RBMS3: variants seen among roughly 807,000 people sequenced by gnomAD.
RBMS3 encodes RNA binding motif single stranded interacting protein 3.
A neutral mutation model predicts 66.8 loss-of-function variants in RBMS3; 27 were observed. The observed-to-expected ratio is 0.40, with a 90% CI of 0.30 to 0.56. The LOEUF (loss-of-function observed/expected upper bound fraction) is 0.56, where lower values mean the gene tolerates loss of function less well. RBMS3 is among the 20% of genes least tolerant of loss of function. The probability of loss-of-function intolerance (pLI) is 0.40; values close to 1 mark genes in which losing one functional copy is unlikely to be tolerated. For synonymous variants in RBMS3, 188 were observed against 183.0 expected, an observed-to-expected ratio of 1.03 and a Z score of -0.22; for missense variants, 513 against 549.5, an observed-to-expected ratio of 0.93 and a Z score of 0.66.
chr3:29,881,123 C>A (rs2059727388), intron 7 of RBMS3, among the ~76,000 whole-genome samples: 1 of 152,078 alleles, frequency 6.6e-6, no homozygotes. Flanking sequence ...GCTCACTCAC[C>A]TTTCCATTTT....
chr3:29,694,501 G>A (rs888354474), intron 4 of RBMS3, among the ~76,000 whole-genome samples: 125 of 152,288 alleles, frequency 8.2e-4, no homozygotes, highest in African/African-American at 2.8e-3. Flanking sequence ...TGTAGAACTA[G>A]TTAGCAAGAG....
intron 4 of RBMS3, 67 bp from the exon 5 acceptor site, chr3:29,739,652 GT>G: frequency 7.3e-7 from 1 of 1,363,462 alleles, no homozygotes; most frequent in Non-Finnish European, 9.8e-7. Flanking sequence ...TTAAACAAAA[GT>G]TTCTCTATTT....
intron 1 of RBMS3, among the ~76,000 whole-genome samples, chr3:29,330,769 C>A (rs1016707371): frequency 1.3e-5 from 2 of 152,190 alleles, no homozygotes; most frequent in Admixed American, 1.3e-4. Context: ...AAGCACACAG[C>A]ACCAAATGAT....
At chr3:29,895,247 T>C (rs924061790) in intron 8 of RBMS3, among the ~76,000 whole-genome samples, 22 of 151,706 alleles carry the variant, frequency 1.5e-4, no homozygotes, top group African/African-American at 5.3e-4. Flanking sequence ...TTTTCTTACA[T>C]AGTAATTATC....
chr3:29,922,276 A>G (rs933895821), intron 10 of RBMS3, among the ~76,000 whole-genome samples: 33 of 151,870 alleles, frequency 2.2e-4, no homozygotes, highest in African/African-American at 7.5e-4. Flanking sequence ...TCATGAGGTC[A>G]GGAGATCGAG....
chr3:29,341,321 C>T (rs932195735), intron 1 of RBMS3, among the ~76,000 whole-genome samples: 6 of 151,940 alleles, frequency 3.9e-5, no homozygotes, highest in African/African-American at 1.5e-4. Context: ...TTGGCTTTAT[C>T]ACTACTTTGT....
intron 1 of RBMS3, among the ~76,000 whole-genome samples, chr3:29,378,450 T>C (rs1441969305): frequency 1.3e-5 from 2 of 148,922 alleles, no homozygotes; most frequent in African/African-American, 5.0e-5. Flanking sequence ...GCAGCCTGAG[T>C]GACAGAGTGA....
rs955358132 is a variant in RBMS3, at chr3:30,009,060, A to T, written c.*5198A>T. On this transcript the variant is annotated 3_prime_UTR_variant, in exon 15 of 15. Coordinates refer to ENST00000383767, the MANE Select transcript of RBMS3 (RefSeq NM_001003793.3). ...TGAGGGAAAATAATATATCAAGAAA[A>T]TTTTCTTCCACTTAGAAAGCTTTAA... is the stretch of plus-strand genomic sequence containing the variant. 1 of 152,182 alleles carries T rather than the reference A, an allele frequency of 6.6e-6. No individual in the cohort carries two copies. Among genetic ancestry groups the T allele is most frequent in the Middle Eastern group, 3.4e-3 (1 of 294 alleles). The allele number at this position is 152,182 out of a possible 1,614,324, so 9.4% of individuals were successfully genotyped here. A position where few individuals can be genotyped will look rare whatever the true frequency, so the allele number is the denominator to read the frequency against.
intron 10 of RBMS3, among the ~76,000 whole-genome samples, chr3:29,908,526 A>G (rs1254470266): frequency 1.3e-5 from 2 of 152,146 alleles, no homozygotes; most frequent in Non-Finnish European, 2.9e-5. Context: ...GGTATGAGCA[A>G]GTTGTAAATC....
At chr3:29,803,649 A>G (rs1337255286) in intron 6 of RBMS3, among the ~76,000 whole-genome samples, 2 of 152,066 alleles carry the variant, frequency 1.3e-5, no homozygotes, top group Non-Finnish European at 2.9e-5. Context: ...TATTATATGT[A>G]TACTGTTATA....
intron 6 of RBMS3, among the ~76,000 whole-genome samples, chr3:29,829,014 C>T (rs1259195092): frequency 2.2e-5 from 1 of 46,298 alleles, no homozygotes; most frequent in African/African-American, 8.5e-5. Flanking sequence ...TTCTTTCTTT[C>T]TTTCTTTCTT....
intron 4 of RBMS3, among the ~76,000 whole-genome samples, chr3:29,649,653 A>T (rs2050071444): frequency 6.6e-6 from 1 of 152,048 alleles, no homozygotes; most frequent in South Asian, 2.1e-4. Context: ...GAGGTTCCCA[A>T]TCTGAAATGT....
At chr3:29,747,390 G>GTAGATAGATAGATAGATAGA (rs56736478) in intron 5 of RBMS3, among the ~76,000 whole-genome samples, 2 of 141,160 alleles carry the variant, frequency 1.4e-5, no homozygotes, top group African/African-American at 5.5e-5. Flanking sequence ...AGGTAGGTAG[G>GTAGATAGATAGATAGATAGA]TAGATAGATA....
At chr3:29,995,788 A>C (rs1699186988) in intron 14 of RBMS3, among the ~76,000 whole-genome samples, 1 of 152,240 alleles carries the variant, frequency 6.6e-6, no homozygotes, top group Non-Finnish European at 1.5e-5. Flanking sequence ...GGAAAGGAAC[A>C]ACCGGTACCA....
intron 4 of RBMS3, among the ~76,000 whole-genome samples, chr3:29,714,597 T>A (rs1376714220): frequency 6.6e-6 from 1 of 152,178 alleles, no homozygotes; most frequent in Non-Finnish European, 1.5e-5. Context: ...AAGACAGATA[T>A]ACATGAGAAT....
At chr3:29,995,457 A>G (rs1699162836) in intron 14 of RBMS3, among the ~76,000 whole-genome samples, 1 of 152,022 alleles carries the variant, frequency 6.6e-6, no homozygotes, top group Non-Finnish European at 1.5e-5. Flanking sequence ...CAAGACACAT[A>G]ATTGTCAGAT....
intron 7 of RBMS3, chr3:29,880,903 T>G: frequency 1.5e-6 from 2 of 1,308,146 alleles, no homozygotes; most frequent in Non-Finnish European, 2.1e-6. Context: ...CCAAGGTACC[T>G]ACTCTAGTTA....
intron 12 of RBMS3, among the ~76,000 whole-genome samples, chr3:29,949,377 C>A (rs1695528253): frequency 6.6e-6 from 1 of 151,778 alleles, no homozygotes; most frequent in Non-Finnish European, 1.5e-5. Flanking sequence ...AAAGCAGACA[C>A]AAGCCACGTG....
At chr3:29,617,614 C>T (rs1398681879) in intron 4 of RBMS3, among the ~76,000 whole-genome samples, 1 of 152,124 alleles carries the variant, frequency 6.6e-6, no homozygotes, top group Non-Finnish European at 1.5e-5. Context: ...AACCTATATA[C>T]ACTTACAGAA....
Sources: allele counts gnomAD v4.1 joint callset (sites outside exome capture counted in the v4.1 genomes callset), GRCh38; gene constraint gnomAD v4.1.1; transcripts MANE v1.5; gene names NCBI Gene and HGNC (gene_info 2026-07-23, HGNC 2026-07-21).